Variants in TMEFF2 observed in about 807,000 individuals in gnomAD.
TMEFF2 encodes transmembrane protein with EGF like and two follistatin like domains 2.
A neutral mutation model predicts 53.8 loss-of-function variants in TMEFF2; 28 were observed. That is an observed-to-expected ratio of 0.52 (90% CI 0.39 to 0.71). The LOEUF is 0.71. TMEFF2 is among the 30% of genes least tolerant of loss of function. The pLI is 0.00. For missense variants in TMEFF2, 353 were observed against 455.2 expected (o/e 0.78, Z 2.04); for synonymous variants, 162 against 166.3 (o/e 0.97, Z 0.20).
intron 4 of TMEFF2, among the ~76,000 whole-genome samples, chr2:192,156,035 A>T (rs1390844873): frequency 6.6e-6 from 1 of 151,804 alleles, no homozygotes; most frequent in Non-Finnish European, 1.5e-5. Context: ...ACAAGATAAT[A>T]GAGGTTTCAA....
intron 5 of TMEFF2, among the ~76,000 whole-genome samples, chr2:192,015,308 C>CATT (rs1686719530): frequency 1.3e-5 from 1 of 76,272 alleles, no homozygotes; most frequent in Non-Finnish European, 2.3e-5. Context: ...ATCACTGAAG[C>CATT]TTTTTTTTTT....
intron 4 of TMEFF2, among the ~76,000 whole-genome samples, chr2:192,175,170 C>A (rs895070285): frequency 4.0e-5 from 6 of 151,566 alleles, no homozygotes; most frequent in Middle Eastern, 3.2e-3. Flanking sequence ...GGTTATAGTA[C>A]TACCTTCCTT....
At chr2:192,182,495 A>C (rs962472105) in intron 3 of TMEFF2, among the ~76,000 whole-genome samples, 1 of 152,012 alleles carries the variant, frequency 6.6e-6, no homozygotes, top group African/African-American at 2.4e-5. Flanking sequence ...TAAATTTTCT[A>C]CTTGGCTAAG....
At chr2:192,067,268 T>G (rs1414399680) in intron 4 of TMEFF2, among the ~76,000 whole-genome samples, 1 of 151,634 alleles carries the variant, frequency 6.6e-6, no homozygotes, top group Non-Finnish European at 1.5e-5. Flanking sequence ...AGGAGCAAAG[T>G]AGGGATTGGG....
At chr2:192,180,575 T>C (rs962081645) in intron 3 of TMEFF2, among the ~76,000 whole-genome samples, 2 of 151,756 alleles carry the variant, frequency 1.3e-5, no homozygotes, top group East Asian at 3.9e-4. Flanking sequence ...ATAAGATTAA[T>C]ATTGATATTC....
At chr2:191,964,333 CTTCTTTCTTTCT>C (rs368928481) in intron 7 of TMEFF2, among the ~76,000 whole-genome samples, 3,870 of 71,446 alleles carry the variant, frequency 0.054, 220 homozygotes, top group African/African-American at 0.13. Flanking sequence ...CCTTTCTTTC[CTTCTTTCTTTCT>C]TTCTTTCTTT....
At chr2:192,136,601 C>T (rs916189318) in intron 4 of TMEFF2, among the ~76,000 whole-genome samples, 1 of 152,134 alleles carries the variant, frequency 6.6e-6, no homozygotes, top group African/African-American at 2.4e-5. Flanking sequence ...ATGACCAAAA[C>T]ATAGGTAGAT....
At chr2:192,037,644 A>T (rs1415280123) in intron 5 of TMEFF2, among the ~76,000 whole-genome samples, 2 of 3,906 alleles carry the variant, frequency 5.1e-4, no homozygotes, top group Non-Finnish European at 0.02. Context: ...AGAGAGAGAA[A>T]GAGAGAGAGA....
At chr2:191,953,318 G>GT (rs1166727010) in intron 9 of TMEFF2, among the ~76,000 whole-genome samples, 1 of 152,106 alleles carries the variant, frequency 6.6e-6, no homozygotes, top group Non-Finnish European at 1.5e-5. Context: ...TTTGCATTTT[G>GT]TGACTGAAAA....
intron 4 of TMEFF2, among the ~76,000 whole-genome samples, chr2:192,132,595 G>A (rs1387744774): frequency 6.6e-6 from 1 of 151,984 alleles, no homozygotes; most frequent in Non-Finnish European, 1.5e-5. Context: ...TGCCTCCACT[G>A]TGAGACAAAC....
Position 192,090,788 on chromosome 2 carries a change from C to T in TMEFF2, c.440-33013G>A, listed in dbSNP as rs1688772984. Among the ~76,000 whole-genome samples, 4 of 152,020 alleles carry T rather than the reference C, an allele frequency of 2.6e-5. No individual in the cohort carries two copies. In the South Asian group the frequency reaches 6.2e-4, roughly 24 times the overall value. On this transcript the variant is annotated intron_variant, in intron 4 of 9. Transcript: ENST00000272771. Reference sequence around the variant, plus strand: ...CAAATGCCACAGGTAGTTGAACAGCCAAATCAGTGTAAGACATTGAACAGA... The same window carrying T: ...CAAATGCCACAGGTAGTTGAACAGCTAAATCAGTGTAAGACATTGAACAGA...
intron 4 of TMEFF2, among the ~76,000 whole-genome samples, chr2:192,175,504 T>C (rs1216343965): frequency 6.6e-6 from 1 of 151,614 alleles, no homozygotes; most frequent in Admixed American, 6.6e-5. Flanking sequence ...ACAACAATTA[T>C]CTGGATAATT....
At chr2:192,193,789 G>A (rs1691528959) in intron 1 of TMEFF2, among the ~76,000 whole-genome samples, 2 of 113,448 alleles carry the variant, frequency 1.8e-5, no homozygotes, top group African/African-American at 6.0e-5. Flanking sequence ...GAGAGAGAGA[G>A]AGAGAGAGAG....
chr2:192,058,909 A>C (rs1193342947), intron 4 of TMEFF2, among the ~76,000 whole-genome samples: 1 of 152,160 alleles, frequency 6.6e-6, no homozygotes, highest in Non-Finnish European at 1.5e-5. Flanking sequence ...ATTAACATGC[A>C]CCTTGAACCT....
intron 5 of TMEFF2, among the ~76,000 whole-genome samples, chr2:192,042,836 C>T (rs1453046282): frequency 6.6e-6 from 1 of 152,082 alleles, no homozygotes; most frequent in Non-Finnish European, 1.5e-5. Flanking sequence ...ATGCTAGAGT[C>T]AATTTGTCAT....
chr2:192,148,570 C>A (rs1690308810), intron 4 of TMEFF2, among the ~76,000 whole-genome samples: 1 of 151,898 alleles, frequency 6.6e-6, no homozygotes, highest in African/African-American at 2.4e-5. Flanking sequence ...CATTGACTAT[C>A]AGAAGGCCCT....
intron 4 of TMEFF2, among the ~76,000 whole-genome samples, chr2:192,068,815 G>A (rs1459615286): frequency 6.6e-6 from 1 of 151,624 alleles, no homozygotes; most frequent in Non-Finnish European, 1.5e-5. Context: ...AACTTATTTG[G>A]TATAAATAGA....
chr2:192,141,962 T>C (rs1021430896), intron 4 of TMEFF2, among the ~76,000 whole-genome samples: 1 of 152,216 alleles, frequency 6.6e-6, no homozygotes, highest in Non-Finnish European at 1.5e-5. Flanking sequence ...GAATCAAGTA[T>C]ATATTATCAC....
intron 8 of TMEFF2, among the ~76,000 whole-genome samples, chr2:191,955,865 A>G (rs966450391): frequency 1.3e-5 from 2 of 152,172 alleles, no homozygotes; most frequent in African/African-American, 4.8e-5. Context: ...AGAAGCAACT[A>G]TGCAATCTAA....
Sources: gnomAD v4.1 joint callset for allele counts (sites outside exome capture counted in the v4.1 genomes callset) on GRCh38, gnomAD v4.1.1 for gene constraint, MANE v1.5 for transcripts, NCBI Gene and HGNC (gene_info 2026-07-23, HGNC 2026-07-21) for gene names.